Variants in STX6 observed in about 807,000 individuals in gnomAD.
STX6 encodes syntaxin 6, also known as syntaxin-6.
In STX6, 23 loss-of-function variants were observed where a neutral mutation model predicts 38.0. The observed-to-expected ratio is 0.60, with a 90% CI of 0.43 to 0.86. STX6 has a LOEUF of 0.86. Among genes scored for constraint, STX6 ranks in the 40% least tolerant of loss-of-function variants. The probability of loss-of-function intolerance (pLI) is 0.00; values close to 1 mark genes in which losing one functional copy is unlikely to be tolerated. For synonymous variants in STX6, 123 were observed against 107.5 expected (o/e 1.14, Z -0.89); for missense variants, 274 against 312.9 (o/e 0.88, Z 0.94).
At chr1:181,002,429 C>T (rs944001697) in intron 3 of STX6, among the ~76,000 whole-genome samples, 177 bp downstream of exon 3, 10 of 152,090 alleles carry the variant, frequency 6.6e-5, no homozygotes, top group Non-Finnish European at 1.5e-4. Flanking sequence ...GCTGAGATTA[C>T]AGGCATGAGC....
At chr1:181,004,748 G>T (rs150565088) in intron 2 of STX6, among the ~76,000 whole-genome samples, 1 of 151,894 alleles carries the variant, frequency 6.6e-6, no homozygotes, top group Admixed American at 6.6e-5. Context: ...AAATTAATTC[G>T]ATCTATGGAG....
chr1:180,995,327 C>A (rs754783593), intron 3 of STX6, among the ~76,000 whole-genome samples: 10 of 152,134 alleles, frequency 6.6e-5, no homozygotes, highest in Non-Finnish European at 1.3e-4. Flanking sequence ...CTCTTGACGG[C>A]ACATTTTTAA....
intron 1 of STX6, among the ~76,000 whole-genome samples, chr1:181,013,549 C>G (rs1656470235): frequency 6.6e-6 from 1 of 152,154 alleles, no homozygotes; most frequent in South Asian, 2.1e-4. Flanking sequence ...AACTCCTGGC[C>G]TCAAGTGATC....
At position 180,996,835 on chromosome 1, in the gene STX6, A is replaced by G. The variant is rs950994602; in HGVS notation, c.301-3410T>C. Among the ~76,000 whole-genome samples the G allele has an allele frequency of 4.6e-5, 7 of 152,326 alleles. No homozygotes were observed. In the East Asian group the frequency reaches 1.3e-3, roughly 29 times the overall value. ...TGATCTTCCTGCTTTGGCCTCCCAA[A>G]GTCCTAGGATTACAGGCATGAGCCA... On this transcript the variant is annotated intron_variant, in intron 3 of 7. Coordinates refer to ENST00000258301, the MANE Select transcript of STX6 (RefSeq NM_005819.6).
In STX6 at chr1:180,976,414, G is replaced by A. The variant is rs754152143; in HGVS notation, c.*156C>T. 5.9e-6 allele frequency: 4 copies of A among 679,668 alleles called. No homozygotes were observed. Among genetic ancestry groups the A allele is most frequent in the Non-Finnish European group, 7.8e-6 (3 of 384,078 alleles). The allele number at this position is 679,668 out of a possible 1,614,324, so 42.1% of individuals were successfully genotyped here. A position where few individuals can be genotyped will look rare whatever the true frequency, so the allele number is the denominator to read the frequency against. ...TGGCCCTTCCAGCGCTGGGATGGAG[G>A]AGCCATGTCAATTGTGGGGTCACAC... On this transcript the variant is annotated 3_prime_UTR_variant, in exon 8 of 8. Coordinates refer to ENST00000258301, the MANE Select transcript of STX6 (RefSeq NM_005819.6).
chr1:180,994,959 T>C (rs1266601606), intron 3 of STX6, among the ~76,000 whole-genome samples: 2 of 138,474 alleles, frequency 1.4e-5, no homozygotes, highest in Non-Finnish European at 3.1e-5. Context: ...TCAAGAAATT[T>C]AAAAAAAAAT....
At chr1:180,990,187 A>T (rs1655714933) in intron 4 of STX6, 78 bp from the exon 5 acceptor site, 1 of 1,554,026 alleles carries the variant, frequency 6.4e-7, no homozygotes, top group Non-Finnish European at 8.8e-7. Context: ...ATCAAGAGTG[A>T]TATAAAGAGT....
chr1:180,990,709 C>T lies in STX6; in HGVS notation c.364-600G>A, dbSNP rs553518206. The stretch of plus-strand genomic sequence containing the variant: ...CAGATGACAACTGGGGGTTACTTTA[C>T]AGGCAGGTATGACCACAAGGAATGC... On this transcript the variant is annotated intron_variant, in intron 4 of 7. Transcript: ENST00000258301. Among the ~76,000 whole-genome samples the T allele has an allele frequency of 1.4e-4, 21 of 152,298 alleles. 1 individual carries two copies. In the South Asian group the frequency reaches 4.1e-3, roughly 30 times the overall value.
intron 1 of STX6, among the ~76,000 whole-genome samples, chr1:181,007,102 CA>C (rs1656246107): frequency 6.6e-6 from 1 of 152,140 alleles, no homozygotes; most frequent in South Asian, 2.1e-4. Context: ...TTCCTTAATG[CA>C]AAGTAAGTCA....
intron 1 of STX6, among the ~76,000 whole-genome samples, chr1:181,018,599 A>C (rs1375644411): frequency 6.6e-6 from 1 of 151,876 alleles, no homozygotes; most frequent in African/African-American, 2.4e-5. Context: ...CAATAATAAT[A>C]CCTACTTCAT....
intron 3 of STX6, 94 bp from the exon 4 acceptor site, chr1:180,993,519 A>G: frequency 1.6e-6 from 1 of 636,764 alleles, no homozygotes; most frequent in East Asian, 2.8e-5. Flanking sequence ...ACAATTTATT[A>G]TTACTTTTTA....
At chr1:180,992,284 A>G (rs1655776243) in intron 4 of STX6, among the ~76,000 whole-genome samples, 1 of 152,210 alleles carries the variant, frequency 6.6e-6, no homozygotes, top group Admixed American at 6.5e-5. Context: ...TGAAAAATGG[A>G]ATGCAAGAAA....
intron 4 of STX6, among the ~76,000 whole-genome samples, chr1:180,992,896 G>A (rs532930712): frequency 2.6e-5 from 4 of 152,230 alleles, no homozygotes; most frequent in Admixed American, 6.5e-5. Context: ...CCATGGGTAG[G>A]CAATGTAGTA....
intron 7 of STX6, among the ~76,000 whole-genome samples, chr1:180,979,826 A>G (rs905238740): frequency 6.7e-6 from 1 of 150,288 alleles, no homozygotes; most frequent in South Asian, 2.1e-4. Flanking sequence ...AGAATGTATT[A>G]TACAAAGAAT....
intron 3 of STX6, 26 bp downstream of exon 3, chr1:181,002,580 T>A (rs1402098959): frequency 6.5e-7 from 1 of 1,537,808 alleles, no homozygotes; most frequent in South Asian, 1.1e-5. Flanking sequence ...CTTATACAGA[T>A]AACACAATAA....
At position 181,022,703 on chromosome 1, in the gene STX6, C is replaced by G; in HGVS notation, c.-30G>C. ...TCCCGGCCCCGGCCGCCTTCACCTC[C>G]TCCGCGCACAGGGCGCCCGTGCCTC... On this transcript the variant is annotated 5_prime_UTR_variant, in exon 1 of 8. Coordinates refer to ENST00000258301, the MANE Select transcript of STX6 (RefSeq NM_005819.6). 1 of 1,596,850 alleles carries G rather than the reference C, an allele frequency of 6.3e-7. No homozygotes were observed. The highest frequency in any genetic ancestry group is 8.5e-7 in the Non-Finnish European group (1 of 1,173,212).
chr1:181,003,680 C>T (rs1311381266), intron 2 of STX6, among the ~76,000 whole-genome samples: 1 of 152,134 alleles, frequency 6.6e-6, no homozygotes, highest in East Asian at 1.9e-4. Context: ...AGCTGGTTTC[C>T]TTATGTTTTA....
At chr1:181,003,165 C>G (rs944619652) in intron 2 of STX6, among the ~76,000 whole-genome samples, 1 of 152,204 alleles carries the variant, frequency 6.6e-6, no homozygotes, top group African/African-American at 2.4e-5. Context: ...CCCTCATTCC[C>G]TTACCCTCTA....
chr1:180,988,245 T>C lies in STX6; in HGVS notation c.590A>G (p.Gln197Arg), dbSNP rs778671590. Residue 197 changes from glutamine (Q) to arginine (R), a missense_variant, in exon 6 of 8, where the codon CAG becomes CGG. By Grantham distance (43) the Gln-to-Arg change is conservative. Coordinates refer to ENST00000258301, the MANE Select transcript of STX6 (RefSeq NM_005819.6). ...SQRIGGELEEQAVMLEDFSHE... is the reference protein window; with the variant it reads ...SQRIGGELEERAVMLEDFSHE... ...GGGGTGTCTCAATACTCACACTGCC[T>C]GTTCCTCCAGCTCCCCTCCGATGCG... 4 of 1,613,196 alleles carry C rather than the reference T, an allele frequency of 2.5e-6. No homozygotes were observed. In the Admixed American group the frequency reaches 5.0e-5, roughly 20 times the overall value.
Sources: gnomAD v4.1 joint callset for allele counts (sites outside exome capture counted in the v4.1 genomes callset) on GRCh38, gnomAD v4.1.1 for gene constraint, MANE v1.5 for transcripts, NCBI Gene and HGNC (gene_info 2026-07-23, HGNC 2026-07-21) for gene names.